The following ASZ1 variants were observed in gnomAD, a reference collection of about 807,000 sequenced individuals.
ASZ1 encodes ankyrin repeat, SAM and basic leucine zipper domain containing 1.
In ASZ1, 67 loss-of-function variants were observed where a neutral mutation model predicts 61.8. That is an observed-to-expected ratio of 1.08 (90% CI 0.89 to 1.33). ASZ1 has a LOEUF of 1.33. Among genes scored for constraint, ASZ1 ranks in the 40% most tolerant of loss-of-function variants. The pLI, the probability that ASZ1 is intolerant of heterozygous loss-of-function variation, is 0.00. For synonymous variants in ASZ1, 193 were observed against 192.7 expected (o/e 1.00, Z -0.01); for missense variants, 577 against 554.5 (o/e 1.04, Z -0.41).
chr7:117,388,649 G>A (rs1449339106), intron 4 of ASZ1, among the ~76,000 whole-genome samples: 1 of 152,064 alleles, frequency 6.6e-6, no homozygotes, highest in Non-Finnish European at 1.5e-5. Flanking sequence ...TCCTCAACCT[G>A]ACAAAAGCAT....
At chr7:117,391,176 G>C (rs1195875571) in intron 4 of ASZ1, among the ~76,000 whole-genome samples, 1 of 151,352 alleles carries the variant, frequency 6.6e-6, no homozygotes, top group Non-Finnish European at 1.5e-5. Context: ...TTTTTAATGA[G>C]GTTATTTTTC....
In ASZ1 at chr7:117,367,390, T is replaced by A; in HGVS notation, c.1237A>T (p.Ser413Cys). The change falls in exon 12 of 13, where the codon AGT becomes TGT. Residue 413 changes from serine (S) to cysteine (C), a missense_variant. Coordinates refer to ENST00000284629, the MANE Select transcript of ASZ1 (RefSeq NM_130768.3). ...TCTTTTAGTTTGCAGACCTTTTCACTCAAATCTTCAACATTATTAACCAAT... is the reference window on the plus strand; with the variant it reads ...TCTTTTAGTTTGCAGACCTTTTCACACAAATCTTCAACATTATTAACCAAT... ...EELVNNVEDL[S>C]EKVCKLKDLI... 1 of 1,567,128 alleles carries A rather than the reference T, an allele frequency of 6.4e-7. No homozygotes were observed. The highest frequency in any genetic ancestry group is 8.6e-7 in the Non-Finnish European group (1 of 1,159,014).
rs1173104590 is a variant in ASZ1 at position 117,384,711 on chromosome 7, T to C, written c.687+15A>G. The C allele has an allele frequency of 5.0e-6, 8 of 1,597,894 alleles. No individual in the cohort carries two copies. Among genetic ancestry groups the C allele is most frequent in the African/African-American group, 1.4e-5 (1 of 73,806 alleles). On this transcript the variant is annotated intron_variant, in intron 6 of 12. Coordinates refer to ENST00000284629, the MANE Select transcript of ASZ1 (RefSeq NM_130768.3). The stretch of plus-strand genomic sequence containing the variant: ...TATGCCACAGAAAATAAGTTTAATA[T>C]GTACAGAAGGATACCTCATGATGTT...
At chr7:117,422,450 C>T (rs1055877438) in intron 2 of ASZ1, 91 bp from the exon 3 acceptor site, 20 of 1,355,392 alleles carry the variant, frequency 1.5e-5, no homozygotes, top group East Asian at 7.4e-5. Flanking sequence ...TGTAAAGTGA[C>T]GTACATCATG....
chr7:117,367,378 A>C lies in ASZ1; in HGVS notation c.1249T>G (p.Cys417Gly). The change falls in exon 12 of 13, where the codon TGC (cysteine) becomes GGC (glycine). Residue 417 changes from cysteine to glycine, a missense_variant. Coordinates refer to ENST00000284629, the MANE Select transcript of ASZ1 (RefSeq NM_130768.3). ...NNVEDLSEKV[C>G]KLKDLIQKLQ... is the part of the protein sequence containing the mutation. ...TTTTGAATTAGGTCTTTTAGTTTGC[A>C]GACCTTTTCACTCAAATCTTCAACA... 6.4e-7 allele frequency: 1 copy of C among 1,557,028 alleles called. No individual in the cohort carries two copies. The highest frequency in any genetic ancestry group is 8.7e-7 in the Non-Finnish European group (1 of 1,155,276).
chr7:117,367,679 T>TAA, intron 11 of ASZ1: 4 of 1,009,452 alleles, frequency 4.0e-6, no homozygotes, highest in Non-Finnish European at 2.5e-6. Context: ...TATGTATATA[T>TAA]AACTTTCTAT....
Position 117,382,988 on chromosome 7 carries a change from A to T in ASZ1, c.810T>A (p.Phe270Leu). ...TGAACTAAAACATGCTATATTACCT[A>T]AAAATGTGATCTTTTTCTCTATCAG... is the stretch of plus-strand genomic sequence containing the variant. Reference protein sequence around the residue: ...TDSDREKDHIFSSYTAFGDLE... With the variant: ...TDSDREKDHILSSYTAFGDLE... Residue 270 changes from phenylalanine (F) to leucine (L), a missense_variant and splice_region_variant, in exon 7 of 13, where the codon TTT becomes TTA. Coordinates refer to ENST00000284629, the MANE Select transcript of ASZ1 (RefSeq NM_130768.3). 1 of 1,566,270 alleles carries T rather than the reference A, an allele frequency of 6.4e-7. No homozygotes were observed. The highest frequency in any genetic ancestry group is 8.6e-7 in the Non-Finnish European group (1 of 1,159,710).
intron 4 of ASZ1, among the ~76,000 whole-genome samples, chr7:117,410,667 T>A (rs550159085): frequency 8.6e-5 from 13 of 151,594 alleles, no homozygotes; most frequent in Non-Finnish European, 1.2e-4. Context: ...TATAAACTCA[T>A]ACACTAGTTC....
At chr7:117,396,934 A>C (rs1683128175) in intron 4 of ASZ1, among the ~76,000 whole-genome samples, 1 of 152,108 alleles carries the variant, frequency 6.6e-6, no homozygotes, top group South Asian at 2.1e-4. Flanking sequence ...TTTTCTCAAA[A>C]AATGCATTCA....
intron 4 of ASZ1, among the ~76,000 whole-genome samples, chr7:117,399,240 A>G (rs1261468800): frequency 1.4e-4 from 21 of 152,160 alleles, no homozygotes; most frequent in Admixed American, 1.4e-3. Flanking sequence ...AAACTGAACG[A>G]AGCTGAAACT....
intron 4 of ASZ1, among the ~76,000 whole-genome samples, chr7:117,397,057 A>ATAATTT (rs1412725718): frequency 2.0e-5 from 3 of 151,660 alleles, no homozygotes; most frequent in African/African-American, 7.2e-5. Context: ...TTAATTTAAT[A>ATAATTT]ACAATAATTA....
chr7:117,419,123 A>G (rs1240451660), intron 4 of ASZ1, among the ~76,000 whole-genome samples: 5 of 151,806 alleles, frequency 3.3e-5, no homozygotes, highest in Admixed American at 3.3e-4. Flanking sequence ...CTTTGTTTTG[A>G]GGGATTGTTC....
chr7:117,425,326 C>T (rs1470516187), intron 2 of ASZ1, among the ~76,000 whole-genome samples: 21 of 118,870 alleles, frequency 1.8e-4, no homozygotes, highest in Non-Finnish European at 2.4e-4. Context: ...AGTGCAGTGG[C>T]GCGATCTCGG....
At chr7:117,368,176 G>A (rs1795979802) in intron 11 of ASZ1, 2 of 846,960 alleles carry the variant, frequency 2.4e-6, no homozygotes, top group Middle Eastern at 6.0e-4. Flanking sequence ...ATTCTCCCAC[G>A]TGGGCCTCCC....
Position 117,368,728 on chromosome 7 carries a change from GAAAC to G in ASZ1, c.1056-15_1056-12del, listed in dbSNP as rs753556409. 7 of 1,608,770 alleles carry G rather than the reference GAAAC, an allele frequency of 4.4e-6. No homozygotes were observed. In the East Asian group the frequency reaches 6.7e-5, roughly 15 times the overall value. On this transcript the variant is annotated splice_polypyrimidine_tract_variant and intron_variant, in intron 10 of 12. Transcript: ENST00000284629. The stretch of plus-strand genomic sequence containing the variant: ...AGGAACTCATCACCACTAAAGAAAG[GAAAC>G]AAACAAACAAGCAGGAATTACTAAT...
At chr7:117,381,892 G>A (rs1406868379) in intron 8 of ASZ1, among the ~76,000 whole-genome samples, 177 bp downstream of exon 8, 1 of 152,078 alleles carries the variant, frequency 6.6e-6, no homozygotes, top group East Asian at 1.9e-4. Context: ...TAAATTTCTA[G>A]AATAATACAT....
At chr7:117,423,575 G>A (rs1304698151) in intron 2 of ASZ1, among the ~76,000 whole-genome samples, 2 of 151,600 alleles carry the variant, frequency 1.3e-5, no homozygotes, top group African/African-American at 2.4e-5. Context: ...GCCAGGCACG[G>A]TGGCTCATGC....
intron 8 of ASZ1, among the ~76,000 whole-genome samples, chr7:117,381,279 C>T (rs1205791076): frequency 2.0e-5 from 3 of 151,872 alleles, no homozygotes; most frequent in Non-Finnish European, 4.4e-5. Context: ...ATAAATATAG[C>T]TAGTTTTCCA....
intron 4 of ASZ1, among the ~76,000 whole-genome samples, chr7:117,409,773 T>A (rs978051400): frequency 6.6e-6 from 1 of 151,758 alleles, no homozygotes; most frequent in Non-Finnish European, 1.5e-5. Context: ...CTCCTCTCCA[T>A]AAAAGATTAA....
Sources: gnomAD v4.1 joint callset for allele counts (sites outside exome capture counted in the v4.1 genomes callset) on GRCh38, gnomAD v4.1.1 for gene constraint, MANE v1.5 for transcripts, NCBI Gene and HGNC (gene_info 2026-07-23, HGNC 2026-07-21) for gene names.